PNLIPRP3: variants seen among roughly 807,000 people sequenced by gnomAD.
The protein encoded by PNLIPRP3 is pancreatic lipase-related protein 3.
Under a neutral mutation model 52.8 loss-of-function variants are expected in PNLIPRP3, and 58 were observed. That is an observed-to-expected ratio of 1.10 (90% confidence interval 0.89 to 1.37). PNLIPRP3 has a LOEUF of 1.37. Ranked by LOEUF, PNLIPRP3 falls within the 40% of genes most tolerant of loss-of-function variation. PNLIPRP3 has a pLI of 0.00. For missense variants in PNLIPRP3, 593 were observed against 561.6 expected (o/e 1.06, Z -0.57); for synonymous variants, 192 against 185.0 (o/e 1.04, Z -0.31).
intron 10 of PNLIPRP3, among the ~76,000 whole-genome samples, chr10:116,474,920 A>G (rs1403810513): frequency 1.3e-5 from 2 of 152,228 alleles, no homozygotes; most frequent in East Asian, 1.9e-4. Flanking sequence ...TTGACCCAGC[A>G]ATCGCATTAC....
At chr10:116,465,244 A>T (rs1205336088) in intron 7 of PNLIPRP3, among the ~76,000 whole-genome samples, 1 of 152,156 alleles carries the variant, frequency 6.6e-6, no homozygotes, top group African/African-American at 2.4e-5. Context: ...AGATTGGTTA[A>T]AAAACCTTGT....
intron 2 of PNLIPRP3, among the ~76,000 whole-genome samples, chr10:116,440,583 T>A (rs1325641139): frequency 6.6e-6 from 1 of 152,196 alleles, no homozygotes; most frequent in Non-Finnish European, 1.5e-5. Flanking sequence ...GACTCATTTA[T>A]AAACAAATCA....
intron 5 of PNLIPRP3, among the ~76,000 whole-genome samples, chr10:116,456,587 C>T (rs1846117213): frequency 6.6e-6 from 1 of 152,224 alleles, no homozygotes; most frequent in South Asian, 2.1e-4. Flanking sequence ...TAATATTATC[C>T]CTGGATATAC....
rs552112581 is a variant in PNLIPRP3, at chr10:116,461,178, C to A, written c.696C>A (p.Thr232=). The A allele has an allele frequency of 2.5e-6, 4 of 1,614,142 alleles. No individual in the cohort carries two copies. The highest frequency in any genetic ancestry group is 4.5e-5 in the East Asian group (2 of 44,884). Residue 232 remains threonine (T), a synonymous_variant, in exon 7 of 12, where the codon ACC becomes ACA. Coordinates refer to ENST00000369230, the MANE Select transcript of PNLIPRP3 (RefSeq NM_001011709.3). The stretch of plus-strand genomic sequence containing the variant: ...TTTTATTTATTTCAGGTGTTGGAAC[C>A]ATTGATGCTTGTGGTCATCTTGACT... The part of the protein sequence containing the change: ...ARILFELGVG[T]IDACGHLDFY...
At chr10:116,443,273 C>T in intron 3 of PNLIPRP3, 99 bp downstream of exon 3, 2 of 1,250,190 alleles carry the variant, frequency 1.6e-6, no homozygotes, top group Non-Finnish European at 2.1e-6. Flanking sequence ...TGGAAATCTT[C>T]CATTCAGTTA....
intron 4 of PNLIPRP3, among the ~76,000 whole-genome samples, chr10:116,452,241 G>C (rs1156582468): frequency 6.6e-6 from 1 of 152,180 alleles, no homozygotes; most frequent in Admixed American, 6.5e-5. Context: ...TTCAAGATAT[G>C]ACCTGGCTGC....
At chr10:116,470,934 C>A (rs186566552) in intron 9 of PNLIPRP3, among the ~76,000 whole-genome samples, 53 of 152,168 alleles carry the variant, frequency 3.5e-4, no homozygotes, top group African/African-American at 1.3e-3. Flanking sequence ...ACAGTTCAAC[C>A]CTTAGTGAGC....
intron 8 of PNLIPRP3, among the ~76,000 whole-genome samples, chr10:116,468,231 G>A (rs1389378265): frequency 6.7e-6 from 1 of 149,958 alleles, no homozygotes; most frequent in Admixed American, 6.6e-5. Flanking sequence ...TACAACAGAA[G>A]TGAAATTATC....
rs2133144889 is a variant in PNLIPRP3, at chr10:116,461,305, A to G, written c.808+15A>G. 6.2e-7 allele frequency: 1 copy of G among 1,608,586 alleles called. No homozygotes were observed. Among genetic ancestry groups the G allele is most frequent in the East Asian group, 2.2e-5 (1 of 44,848 alleles). On this transcript the variant is annotated intron_variant, in intron 7 of 11. Transcript: ENST00000369230. ...TTACAAAAAAGGTAAATACTTTCTA[A>G]ACTATGAATGCTACTGATGCATATT... is the stretch of plus-strand genomic sequence containing the variant.
chr10:116,456,507 T>C (rs1846115773), intron 5 of PNLIPRP3, among the ~76,000 whole-genome samples: 1 of 152,228 alleles, frequency 6.6e-6, no homozygotes, highest in Non-Finnish European at 1.5e-5. Flanking sequence ...AGAATGAGTT[T>C]GAATCCCACT....
chr10:116,447,628 T>C (rs914985023), intron 4 of PNLIPRP3, among the ~76,000 whole-genome samples: 20 of 152,142 alleles, frequency 1.3e-4, no homozygotes, highest in Admixed American at 4.6e-4. Flanking sequence ...AAACAAATCT[T>C]GGAGCAAAAG....
At chr10:116,466,659 A>G (rs936300966) in intron 8 of PNLIPRP3, among the ~76,000 whole-genome samples, 2 of 152,234 alleles carry the variant, frequency 1.3e-5, no homozygotes, top group Admixed American at 1.3e-4. Flanking sequence ...CTCTACACAG[A>G]TCAATATGTG....
chr10:116,471,660 C>G (rs961344277), intron 9 of PNLIPRP3, 108 bp from the exon 10 acceptor site: 3 of 885,232 alleles, frequency 3.4e-6, no homozygotes, highest in Non-Finnish European at 5.6e-6. Flanking sequence ...CAGCACTGTT[C>G]AAATACAACC....
In PNLIPRP3 at chr10:116,477,372, A is replaced by G; in HGVS notation, c.*219A>G. The G allele has an allele frequency of 2.6e-6, 1 of 383,582 alleles. No homozygotes were observed. The highest frequency in any genetic ancestry group is 5.4e-5 in the South Asian group (1 of 18,686). The allele number at this position is 383,582 out of a possible 1,614,324, so 23.8% of individuals were successfully genotyped here. ...AACCCTGGGACAAAAGATAATTACT[A>G]TGATCTGTAGGAATCTGGATATCAT... On this transcript the variant is annotated 3_prime_UTR_variant, in exon 12 of 12. Coordinates refer to ENST00000369230, the MANE Select transcript of PNLIPRP3 (RefSeq NM_001011709.3).
chr10:116,430,120 C>T (rs146747429), intron 1 of PNLIPRP3, among the ~76,000 whole-genome samples: 39 of 152,190 alleles, frequency 2.6e-4, no homozygotes, highest in African/African-American at 7.7e-4. Context: ...TTTGCCTTTG[C>T]GAGAAACAAA....
At chr10:116,437,801 T>C (rs189306762) in intron 2 of PNLIPRP3, among the ~76,000 whole-genome samples, 5 of 152,188 alleles carry the variant, frequency 3.3e-5, no homozygotes, top group Admixed American at 1.3e-4. Flanking sequence ...AAAAACTCAA[T>C]TCATCAGCCA....
intron 11 of PNLIPRP3, 64 bp from the exon 12 acceptor site, chr10:116,477,026 C>T (rs1846480804): frequency 7.3e-7 from 1 of 1,364,276 alleles, no homozygotes; most frequent in Non-Finnish European, 1.0e-6. Context: ...GGGGGATCTA[C>T]CGTGTCTTTT....
chr10:116,464,966 G>C (rs1846257813), intron 7 of PNLIPRP3, among the ~76,000 whole-genome samples: 1 of 152,206 alleles, frequency 6.6e-6, no homozygotes, highest in African/African-American at 2.4e-5. Flanking sequence ...GGCACCTGCT[G>C]TTTGGTGGGT....
chr10:116,427,867 G>T lies in PNLIPRP3; in HGVS notation c.-146G>T. 1 of 667,554 alleles carries T rather than the reference G, an allele frequency of 1.5e-6. No individual in the cohort carries two copies. Among genetic ancestry groups the T allele is most frequent in the African/African-American group, 1.9e-5 (1 of 54,052 alleles). 41.4% of individuals were successfully genotyped at this position (667,554 alleles called of 1,614,324 possible). ...ATTTTATTTACTTTGCAGAGCATAA[G>T]GTGGAATAACATGTTCTTTTAAACG... On this transcript the variant is annotated 5_prime_UTR_variant, in exon 1 of 12. The change creates a new upstream start codon in the 5' untranslated region. Coordinates refer to ENST00000369230, the MANE Select transcript of PNLIPRP3 (RefSeq NM_001011709.3).
Sources: gnomAD v4.1 joint callset for allele counts (sites outside exome capture counted in the v4.1 genomes callset) on GRCh38, gnomAD v4.1.1 for gene constraint, MANE v1.5 for transcripts, NCBI Gene and HGNC (gene_info 2026-07-23, HGNC 2026-07-21) for gene names.